ANKRD62: variants seen among roughly 807,000 people sequenced by gnomAD.
ANKRD62 encodes ankyrin repeat domain-containing protein 62.
A neutral mutation model predicts 98.8 loss-of-function variants in ANKRD62; 61 were observed. That is an observed-to-expected ratio of 0.62 (90% CI 0.50 to 0.76). The LOEUF is 0.76. ANKRD62 is among the 30% of genes least tolerant of loss of function. The pLI is 0.00. For synonymous variants in ANKRD62, 341 were observed against 367.9 expected (o/e 0.93, Z 0.84); for missense variants, 933 against 1,082.9 (o/e 0.86, Z 1.94).
intron 9 of ANKRD62, 37 bp downstream of exon 9, chr18:12,115,158 C>T (rs1224074415): frequency 1.1e-5 from 15 of 1,381,336 alleles, no homozygotes. Context: ...TGCTGTTGAA[C>T]ATACCTTAAA....
chr18:12,105,575 A>G (rs1418517581), intron 7 of ANKRD62, among the ~76,000 whole-genome samples: 1 of 152,200 alleles, frequency 6.6e-6, no homozygotes, highest in African/African-American at 2.4e-5. Flanking sequence ...AAAAGTTCAG[A>G]AAGATTTACA....
At position 12,109,950 on chromosome 18, in the gene ANKRD62, C is replaced by CAA. The variant is rs10588166; in HGVS notation, c.1064+2503_1064+2504dup. Among the ~76,000 whole-genome samples the CAA allele has an allele frequency of 5.8e-3, 720 of 124,752 alleles. 1 individual carries two copies. The highest frequency in any genetic ancestry group is 7.6e-3 in the Non-Finnish European group (464 of 60,716). The allele number at this position is 124,752 out of a possible 152,430, so 81.8% of individuals were successfully genotyped here. ...ATAAAAGAATAGGTTTCACTGTTAC[C>CAA]AAAAAAAAAAAAAAAAAAAAACAGA... is the stretch of plus-strand genomic sequence containing the variant. On this transcript the variant is annotated intron_variant, in intron 8 of 13. Coordinates refer to ENST00000587848, the MANE Select transcript of ANKRD62 (RefSeq NM_001277333.2).
At position 12,099,648 on chromosome 18, in the gene ANKRD62, C is replaced by A; in HGVS notation, c.786C>A (p.Asn262Lys). The change falls in exon 6 of 14, where the codon AAC (asparagine) becomes AAA (lysine). Residue 262 changes from asparagine (N) to lysine (K), a missense_variant. Physicochemically the swap from Asn to Lys is moderately conservative, Grantham distance 94 (BLOSUM62 0). Transcript: ENST00000587848. The stretch of plus-strand genomic sequence containing the variant: ...GAATGATTTCTGAATATAAAGCAAA[C>A]AAGAGATGTAAAAGTCTTCAAAATA... ...IRGMISEYKA[N>K]KRCKSLQNSN... 6.7e-7 allele frequency: 1 copy of A among 1,492,432 alleles called. No homozygotes were observed. The highest frequency in any genetic ancestry group is 8.9e-7 in the Non-Finnish European group (1 of 1,123,120). 92.4% of individuals were successfully genotyped at this position (1,492,432 alleles called of 1,614,324 possible). A position where few individuals can be genotyped will look rare whatever the true frequency, so the allele number is the denominator to read the frequency against.
the ANKRD62 span, among the ~76,000 whole-genome samples, chr18:12,153,002 A>G: frequency 1.3e-5 from 2 of 152,228 alleles, no homozygotes; most frequent in Admixed American, 6.5e-5. Flanking sequence ...TAGCACTCTT[A>G]TACATCAACA....
At chr18:12,145,337 G>C in the ANKRD62 span, among the ~76,000 whole-genome samples, 1 of 152,192 alleles carries the variant, frequency 6.6e-6, no homozygotes, top group Non-Finnish European at 1.5e-5. Flanking sequence ...TGGCTAAGCT[G>C]CCCAAACAAC....
At chr18:12,144,966 G>A in the ANKRD62 span, among the ~76,000 whole-genome samples, 1 of 147,448 alleles carries the variant, frequency 6.8e-6, no homozygotes, top group Non-Finnish European at 1.5e-5. Flanking sequence ...AACATGGTGA[G>A]AACCCGTCTC....
the ANKRD62 span, among the ~76,000 whole-genome samples, chr18:12,164,901 T>A: frequency 6.6e-6 from 1 of 152,008 alleles, no homozygotes; most frequent in Non-Finnish European, 1.5e-5. Context: ...CCAGCTATTA[T>A]TGTATTTAGG....
chr18:12,130,004 A>G (rs927653043), downstream of ANKRD62, among the ~76,000 whole-genome samples: 2 of 152,194 alleles, frequency 1.3e-5, no homozygotes, highest in Non-Finnish European at 1.5e-5. Context: ...ACCACATGCA[A>G]AAGTACAGTT....
In ANKRD62 at chr18:12,116,549, A is replaced by G. The variant is rs895764589; in HGVS notation, c.1240+1015A>G. On this transcript the variant is annotated intron_variant, in intron 10 of 13. Transcript: ENST00000587848. ...GATATCTCATTATGTAGATGCAAATATTCCAAGATCCAAAACCTGAAACAC... is the reference window on the plus strand; with the variant it reads ...GATATCTCATTATGTAGATGCAAATGTTCCAAGATCCAAAACCTGAAACAC... 2.6e-5 allele frequency among the ~76,000 whole-genome samples: 4 copies of G among 152,220 alleles called. No individual in the cohort carries two copies. In the East Asian group the frequency reaches 7.7e-4, roughly 29 times the overall value.
chr18:12,174,282 C>G, the ANKRD62 span, among the ~76,000 whole-genome samples: 2 of 152,142 alleles, frequency 1.3e-5, no homozygotes, highest in African/African-American at 4.8e-5. Flanking sequence ...TCCACTTGGT[C>G]TGTTCTGCTA....
At chr18:12,138,998 A>G in the ANKRD62 span, among the ~76,000 whole-genome samples, 11 of 152,102 alleles carry the variant, frequency 7.2e-5, no homozygotes, top group South Asian at 2.1e-4. Context: ...TCTTTATCCA[A>G]TTTGCCAGTC....
the ANKRD62 span, among the ~76,000 whole-genome samples, chr18:12,153,111 T>C: frequency 6.6e-6 from 1 of 152,166 alleles, no homozygotes; most frequent in South Asian, 2.1e-4. Flanking sequence ...GCGAAAGAGC[T>C]CTACAAGGAG....
rs768364253 is a variant in ANKRD62 at position 12,095,533 on chromosome 18, T to C, written c.430T>C (p.Tyr144His). The C allele has an allele frequency of 1.3e-6, 2 of 1,558,264 alleles. No individual in the cohort carries two copies. The highest frequency in any genetic ancestry group is 1.3e-5 in the African/African-American group (1 of 74,194). ...TATGTATGGCAACACTGCTCTGCAC[T>C]ATGCCATTGATAATGAGAATATATC... Reference protein sequence around the residue: ...RDMYGNTALHYAIDNENISMA... With the variant: ...RDMYGNTALHHAIDNENISMA... Residue 144 changes from tyrosine (Y) to histidine (H), a missense_variant, in exon 3 of 14, where the codon TAT (tyrosine) becomes CAT (histidine). Physicochemically the swap from Tyr to His is moderately conservative, Grantham distance 83. Transcript: ENST00000587848.
At chr18:12,114,998 C>A in intron 8 of ANKRD62, 90 bp from the exon 9 acceptor site, 1 of 986,700 alleles carries the variant, frequency 1.0e-6, no homozygotes. Flanking sequence ...ACTACAAACA[C>A]AGAGATTTTA....
At chr18:12,167,889 G>A in the ANKRD62 span, among the ~76,000 whole-genome samples, 1 of 152,176 alleles carries the variant, frequency 6.6e-6, no homozygotes, top group Non-Finnish European at 1.5e-5. Context: ...CAGTCATGAT[G>A]AGCATTTTTT....
the ANKRD62 span, among the ~76,000 whole-genome samples, chr18:12,167,344 T>TAAC: frequency 6.6e-6 from 1 of 151,962 alleles, no homozygotes; most frequent in African/African-American, 2.4e-5. Flanking sequence ...GTCCAAGCGT[T>TAAC]CTCATTGTTC....
At chr18:12,102,314 TG>T in intron 6 of ANKRD62, 2 of 712,728 alleles carry the variant, frequency 2.8e-6, no homozygotes, top group Non-Finnish European at 5.3e-6. Context: ...AATGGTGGCT[TG>T]GTGACAAGCC....
chr18:12,101,824 C>A lies in ANKRD62; in HGVS notation c.821-1334C>A, dbSNP rs536746498. ...TTTCTTAGTCGTAATTCCTCTCAAA[C>A]CTTTTCCTCAAATATTAAATTTGGA... On this transcript the variant is annotated intron_variant, in intron 6 of 13. Coordinates refer to ENST00000587848, the MANE Select transcript of ANKRD62 (RefSeq NM_001277333.2). Among the ~76,000 whole-genome samples the A allele has an allele frequency of 4.6e-5, 7 of 152,322 alleles. No individual in the cohort carries two copies. The South Asian group carries it at 8.3e-4, about 18-fold the overall frequency.
Position 12,126,081 on chromosome 18 carries a change from A to C in ANKRD62, c.2260A>C (p.Met754Leu). ...TQRRLEDIEH[M>L]YQNDQPILEK... ...GCGTCGATTGGAGGACATTGAACACATGTACCAAAATGACCAACCTATTTT... is the reference window on the plus strand; with the variant it reads ...GCGTCGATTGGAGGACATTGAACACCTGTACCAAAATGACCAACCTATTTT... The change falls in exon 13 of 14, where the codon ATG (methionine) becomes CTG (leucine). Residue 754 changes from methionine to leucine, a missense_variant. Physicochemically the swap from Met to Leu is conservative, Grantham distance 15. Transcript: ENST00000587848. The C allele has an allele frequency of 1.3e-6, 2 of 1,536,148 alleles. No homozygotes were observed. Among genetic ancestry groups the C allele is most frequent in the Non-Finnish European group, 1.7e-6 (2 of 1,146,870 alleles).
Sources: gnomAD v4.1 joint callset for allele counts (sites outside exome capture counted in the v4.1 genomes callset) on GRCh38, gnomAD v4.1.1 for gene constraint, MANE v1.5 for transcripts, NCBI Gene and HGNC (gene_info 2026-07-23, HGNC 2026-07-21) for gene names.